The following ATXN7L1 variants were observed in gnomAD, a reference collection of about 807,000 sequenced individuals.
ATXN7L1 encodes the protein ataxin-7-like protein 1.
ATXN7L1 carries 15 observed loss-of-function variants against 70.8 expected under a neutral mutation model. The observed-to-expected ratio is 0.21, with a 90% CI of 0.14 to 0.33. The LOEUF (loss-of-function observed/expected upper bound fraction) is 0.33. Ranked by LOEUF, ATXN7L1 falls within the 10% of genes least tolerant of loss-of-function variation. The pLI is 1.00. For synonymous variants in ATXN7L1, 440 were observed against 445.1 expected, an observed-to-expected ratio of 0.99 and a Z score of 0.14; for missense variants, 975 against 1,097.1, an observed-to-expected ratio of 0.89 and a Z score of 1.57.
At chr7:105,873,315 AT>A (rs1818554116) in intron 2 of ATXN7L1, among the ~76,000 whole-genome samples, 1 of 152,244 alleles carries the variant, frequency 6.6e-6, no homozygotes, top group Admixed American at 6.5e-5. Flanking sequence ...CAACAGTGTC[AT>A]GGACAATCTA....
intron 3 of ATXN7L1, among the ~76,000 whole-genome samples, chr7:105,670,661 TA>T (rs11462722): frequency 4.2e-4 from 62 of 147,444 alleles, no homozygotes; most frequent in African/African-American, 6.0e-4. Context: ...TATTTATCTT[TA>T]AAAAAAAAAA....
chr7:105,631,227 A>T lies in ATXN7L1; in HGVS notation c.1203-6960T>A, dbSNP rs139682551. Among the ~76,000 whole-genome samples the T allele has an allele frequency of 1.6e-4, 24 of 152,320 alleles. No homozygotes were observed. The East Asian group carries it at 4.6e-3, about 29-fold the overall frequency. On this transcript the variant is annotated intron_variant, in intron 7 of 11. Coordinates refer to ENST00000419735, the MANE Select transcript of ATXN7L1 (RefSeq NM_020725.2). ...AGCATATGAGATTTTAACATTAAGA[A>T]AACAGGATGTGGCTGGAGAAGTATT...
intron 3 of ATXN7L1, among the ~76,000 whole-genome samples, chr7:105,678,295 AT>A (rs1176056338): frequency 6.6e-6 from 1 of 152,164 alleles, no homozygotes; most frequent in Non-Finnish European, 1.5e-5. Context: ...CGCTTGTGGC[AT>A]TTAGTTAGGA....
chr7:105,608,032 G>T, intron 11 of ATXN7L1, 142 bp from the exon 12 acceptor site: 1 of 749,790 alleles, frequency 1.3e-6, no homozygotes, highest in Non-Finnish European at 2.2e-6. Context: ...AGGGCAGCTG[G>T]AATAGCAAGA....
chr7:105,677,918 G>A (rs1804949427), intron 3 of ATXN7L1: 1 of 983,468 alleles, frequency 1.0e-6, no homozygotes, highest in Non-Finnish European at 1.2e-6. Flanking sequence ...TCACTGCTAA[G>A]CTCATGGTGT....
rs1005223908 is a variant in ATXN7L1, at chr7:105,624,003, T to C, written c.1395+72A>G. The C allele has an allele frequency of 1.1e-5, 14 of 1,265,478 alleles. No homozygotes were observed. In the East Asian group the frequency reaches 4.3e-4, roughly 39 times the overall value. The allele number at this position is 1,265,478 out of a possible 1,614,324, so 78.4% of individuals were successfully genotyped here. ...GCCTTGCCTTAGGAAGGATCATGCC[T>C]CTGGTATGATCACCTAAGTGTCTGC... On this transcript the variant is annotated intron_variant, in intron 8 of 11. Coordinates refer to ENST00000419735, the MANE Select transcript of ATXN7L1 (RefSeq NM_020725.2).
At chr7:105,640,724 T>G (rs1798059079) in intron 5 of ATXN7L1, among the ~76,000 whole-genome samples, 1 of 152,226 alleles carries the variant, frequency 6.6e-6, no homozygotes, top group Non-Finnish European at 1.5e-5. Context: ...AGGGTCTCAC[T>G]ATATTGCCCA....
intron 7 of ATXN7L1, among the ~76,000 whole-genome samples, chr7:105,637,432 GTAT>G (rs1370650007): frequency 6.6e-6 from 1 of 152,116 alleles, no homozygotes; most frequent in Non-Finnish European, 1.5e-5. Flanking sequence ...TTCTCACTGA[GTAT>G]TATTAATGTT....
At chr7:105,685,154 G>T (rs1227303777) in intron 3 of ATXN7L1, among the ~76,000 whole-genome samples, 1 of 151,966 alleles carries the variant, frequency 6.6e-6, no homozygotes, top group Non-Finnish European at 1.5e-5. Flanking sequence ...TTAGAAAGCT[G>T]TAATCTATAG....
At chr7:105,867,225 G>A (rs914218760) in intron 2 of ATXN7L1, among the ~76,000 whole-genome samples, 7 of 152,126 alleles carry the variant, frequency 4.6e-5, no homozygotes, top group Admixed American at 2.6e-4. Flanking sequence ...GGCTTAACAT[G>A]GAAATCATGA....
At chr7:105,710,822 A>T (rs1309494298) in intron 3 of ATXN7L1, among the ~76,000 whole-genome samples, 4 of 152,270 alleles carry the variant, frequency 2.6e-5, no homozygotes, top group African/African-American at 9.6e-5. Flanking sequence ...GTATTAGTCC[A>T]TTTTCATGCT....
chr7:105,664,299 G>A (rs1802169960), intron 4 of ATXN7L1, among the ~76,000 whole-genome samples: 1 of 151,736 alleles, frequency 6.6e-6, no homozygotes, highest in East Asian at 1.9e-4. Context: ...CACTGGGGTG[G>A]AAAATTGAGA....
chr7:105,652,395 C>T (rs376328316), intron 4 of ATXN7L1, among the ~76,000 whole-genome samples: 85 of 152,256 alleles, frequency 5.6e-4, no homozygotes, highest in African/African-American at 8.4e-4. Flanking sequence ...GAATTGAGAA[C>T]GTAGAGATTA....
At chr7:105,751,932 C>A (rs1285183132) in intron 3 of ATXN7L1, among the ~76,000 whole-genome samples, 2 of 152,232 alleles carry the variant, frequency 1.3e-5, no homozygotes, top group South Asian at 4.1e-4. Flanking sequence ...TTCAAACAAC[C>A]ATAATCTTGA....
At chr7:105,711,485 G>A (rs1793907345) in intron 3 of ATXN7L1, among the ~76,000 whole-genome samples, 1 of 152,248 alleles carries the variant, frequency 6.6e-6, no homozygotes, top group Non-Finnish European at 1.5e-5. Flanking sequence ...TACAGGCATT[G>A]GGTAAATGTT....
At chr7:105,636,160 C>T (rs550193256) in intron 7 of ATXN7L1, among the ~76,000 whole-genome samples, 29 of 152,108 alleles carry the variant, frequency 1.9e-4, no homozygotes, top group Non-Finnish European at 3.8e-4. Context: ...TTTGGGAGGC[C>T]GAGGTGGGCG....
intron 3 of ATXN7L1, among the ~76,000 whole-genome samples, chr7:105,738,988 C>T (rs1438687626): frequency 2.6e-5 from 4 of 152,042 alleles, no homozygotes; most frequent in Admixed American, 1.3e-4. Context: ...AAGGTCCATC[C>T]CTTCTGACAA....
At chr7:105,684,904 T>C (rs1258709455) in intron 3 of ATXN7L1, among the ~76,000 whole-genome samples, 1 of 152,180 alleles carries the variant, frequency 6.6e-6, no homozygotes, top group Non-Finnish European at 1.5e-5. Flanking sequence ...CCTGGTAGGA[T>C]CTTGTGGGTG....
Position 105,620,256 on chromosome 7 carries a change from A to G in ATXN7L1, c.1461T>C (p.Arg487=), listed in dbSNP as rs747138464. 18 of 1,551,414 alleles carry G rather than the reference A, an allele frequency of 1.2e-5. No homozygotes were observed. The South Asian group carries it at 1.9e-4, about 16-fold the overall frequency. ...CCATGGAGTTTAGTGCGAATCGAAAACGATCCCATCTTCTATCAAACACAT... is the reference window on the plus strand; with the variant it reads ...CCATGGAGTTTAGTGCGAATCGAAAGCGATCCCATCTTCTATCAAACACAT... ...GYYVFDRRWD[R]FRFALNSMVE... The change falls in exon 9 of 12, where the codon CGT becomes CGC. Residue 487 remains arginine, a synonymous_variant. Coordinates refer to ENST00000419735, the MANE Select transcript of ATXN7L1 (RefSeq NM_020725.2).
Sources: allele counts gnomAD v4.1 joint callset (sites outside exome capture counted in the v4.1 genomes callset), GRCh38; gene constraint gnomAD v4.1.1; transcripts MANE v1.5; gene names NCBI Gene and HGNC (gene_info 2026-07-23, HGNC 2026-07-21).